Variants in NRG2 observed in about 807,000 individuals in gnomAD.
The protein encoded by NRG2 is neuregulin 2, also known as pro-neuregulin-2, membrane-bound isoform.
A neutral mutation model predicts 73.9 loss-of-function variants in NRG2; 27 were observed. That is an observed-to-expected ratio of 0.37 (90% CI 0.27 to 0.50). NRG2 has a LOEUF of 0.50. NRG2 is among the 20% of genes least tolerant of loss of function. The pLI is 0.96. For missense variants in NRG2, 1,126 were observed against 1,210.1 expected (o/e 0.93, Z 1.03); for synonymous variants, 532 against 541.0 (o/e 0.98, Z 0.23).
chr5:139,908,455 G>T (rs1765382913), intron 1 of NRG2, among the ~76,000 whole-genome samples: 1 of 152,192 alleles, frequency 6.6e-6, no homozygotes. Flanking sequence ...GAAAATGGTA[G>T]CAGGAAGAGT....
intron 1 of NRG2, among the ~76,000 whole-genome samples, chr5:139,989,944 A>T (rs1052118353): frequency 2.0e-5 from 3 of 150,362 alleles, no homozygotes; most frequent in South Asian, 4.2e-4. Context: ...GCCCACCACC[A>T]CGCCCAGCTA....
chr5:139,943,131 G>A (rs1046102659), intron 1 of NRG2, among the ~76,000 whole-genome samples: 17 of 151,612 alleles, frequency 1.1e-4, no homozygotes, highest in Non-Finnish European at 2.2e-4. Flanking sequence ...GCGAGCCACC[G>A]TGTCTGGCCT....
intron 1 of NRG2, among the ~76,000 whole-genome samples, chr5:139,930,614 C>T (rs1356436444): frequency 6.6e-6 from 1 of 152,196 alleles, no homozygotes; most frequent in South Asian, 2.1e-4. Flanking sequence ...AAAGTGCATG[C>T]CTCATTGGCT....
intron 1 of NRG2, among the ~76,000 whole-genome samples, chr5:139,979,478 T>C (rs780824278): frequency 3.3e-5 from 5 of 152,218 alleles, no homozygotes; most frequent in Non-Finnish European, 5.9e-5. Context: ...CTCCATCTCC[T>C]GGGATTCTCG....
intron 1 of NRG2, among the ~76,000 whole-genome samples, chr5:139,888,981 C>G (rs1764046317): frequency 6.6e-6 from 1 of 152,184 alleles, no homozygotes; most frequent in Non-Finnish European, 1.5e-5. Flanking sequence ...TGTATTCTTT[C>G]ATTTAATGAA....
Position 139,887,254 on chromosome 5 carries a change from C to T in NRG2, c.872+86G>A, listed in dbSNP as rs1763925214. ...CCATGGGTGAGTCTGGGGGCACAGCCCTGGCCTCTGCCCAGTTCAGGCCAC... is the reference window on the plus strand; with the variant it reads ...CCATGGGTGAGTCTGGGGGCACAGCTCTGGCCTCTGCCCAGTTCAGGCCAC... On this transcript the variant is annotated intron_variant, in intron 2 of 9. Transcript: ENST00000361474. This position sits in a 1 kb window ranked among gnomAD's most constrained non-coding sequence, Gnocchi z 4.5. The T allele has an allele frequency of 1.1e-5, 16 of 1,500,914 alleles. No homozygotes were observed. The highest frequency in any genetic ancestry group is 1.5e-5 in the Non-Finnish European group (16 of 1,092,246). 93.0% of individuals were successfully genotyped at this position (1,500,914 alleles called of 1,614,324 possible).
chr5:139,864,210 C>A (rs887161349), intron 5 of NRG2, among the ~76,000 whole-genome samples: 6 of 152,078 alleles, frequency 3.9e-5, no homozygotes, highest in Admixed American at 3.9e-4. Context: ...CCAGCGGACC[C>A]CTGGTCCTCA....
chr5:140,029,801 G>C (rs538447097), intron 1 of NRG2, among the ~76,000 whole-genome samples: 1 of 152,162 alleles, frequency 6.6e-6, no homozygotes, highest in Non-Finnish European at 1.5e-5. Context: ...ACCCCTAAGG[G>C]ACTGTACCCT....
At chr5:139,925,793 G>A (rs560339216) in intron 1 of NRG2, among the ~76,000 whole-genome samples, 1 of 152,270 alleles carries the variant, frequency 6.6e-6, no homozygotes, top group East Asian at 1.9e-4. Flanking sequence ...GCAGGGATGG[G>A]GAGCTTGAAG....
In NRG2 at chr5:139,862,237, C is replaced by T. The variant is rs965595796; in HGVS notation, c.1189+3312G>A. Among the ~76,000 whole-genome samples the T allele has an allele frequency of 7.2e-5, 11 of 152,336 alleles. No individual in the cohort carries two copies. In the South Asian group the frequency reaches 2.1e-3, roughly 29 times the overall value. On this transcript the variant is annotated intron_variant, in intron 5 of 9. Coordinates refer to ENST00000361474, the MANE Select transcript of NRG2 (RefSeq NM_004883.3). The stretch of plus-strand genomic sequence containing the variant: ...ATAGTAGCAGCTGCAGCTTCTAGGG[C>T]TCCTAACTGGCCTCCTCTTTGAGTC...
intron 1 of NRG2, among the ~76,000 whole-genome samples, chr5:139,977,045 A>G (rs1027802579): frequency 1.3e-5 from 2 of 152,238 alleles, no homozygotes; most frequent in African/African-American, 4.8e-5. Flanking sequence ...TGGATCGCCC[A>G]GTGCCTGCCT....
At chr5:139,992,653 C>A (rs1442605157) in intron 1 of NRG2, among the ~76,000 whole-genome samples, 1 of 152,150 alleles carries the variant, frequency 6.6e-6, no homozygotes, top group Non-Finnish European at 1.5e-5. Context: ...TTAGAAAAAA[C>A]CTTTTTCATA....
chr5:139,887,299 G>A lies in NRG2; in HGVS notation c.872+41C>T, dbSNP rs200851590. On this transcript the variant is annotated intron_variant, in intron 2 of 9. Transcript: ENST00000361474. This position sits in a 1 kb window ranked among gnomAD's most constrained non-coding sequence, Gnocchi z 4.5. Reference sequence around the variant, plus strand: ...GGCCACTCCTTCTCGAGAGGAGGGAGGGCAGCTGCTTGGATGGAGGACAGG... The same window carrying A: ...GGCCACTCCTTCTCGAGAGGAGGGAAGGCAGCTGCTTGGATGGAGGACAGG... The A allele has an allele frequency of 5.0e-6, 8 of 1,606,456 alleles. No individual in the cohort carries two copies. In the East Asian group the frequency reaches 1.8e-4, roughly 36 times the overall value.
chr5:139,899,209 G>A (rs976567965), intron 1 of NRG2, among the ~76,000 whole-genome samples: 2 of 152,250 alleles, frequency 1.3e-5, no homozygotes, highest in Admixed American at 1.3e-4. Context: ...GCTCCAGGAG[G>A]CTGGGCCACC....
chr5:139,953,786 C>A (rs1053808598), intron 1 of NRG2, among the ~76,000 whole-genome samples: 1 of 152,168 alleles, frequency 6.6e-6, no homozygotes, highest in Admixed American at 6.5e-5. Flanking sequence ...GTAAGCAAGA[C>A]TGAAAGCAAA....
intron 1 of NRG2, among the ~76,000 whole-genome samples, chr5:139,969,092 A>G (rs1755793274): frequency 6.6e-6 from 1 of 152,244 alleles, no homozygotes; most frequent in African/African-American, 2.4e-5. Context: ...ATAGTGTTCT[A>G]GGGCTCAGAG....
chr5:139,881,513 G>T lies in NRG2; in HGVS notation c.873-539C>A, dbSNP rs1054885171. Among the ~76,000 whole-genome samples the T allele has an allele frequency of 2.2e-4, 33 of 152,324 alleles. 1 individual carries two copies. Among genetic ancestry groups the T allele is most frequent in the African/African-American group, 7.5e-4 (31 of 41,574 alleles). ...GCGCTGCCACTAAGGGGCACTCTGT[G>T]GCTTCTCCAAGGGGTTTTTGTTTCA... On this transcript the variant is annotated intron_variant, in intron 2 of 9. Coordinates refer to ENST00000361474, the MANE Select transcript of NRG2 (RefSeq NM_004883.3).
At chr5:139,991,201 C>T (rs1009779918) in intron 1 of NRG2, among the ~76,000 whole-genome samples, 8 of 151,804 alleles carry the variant, frequency 5.3e-5, no homozygotes, top group Admixed American at 3.9e-4. Context: ...GCTTGAATCC[C>T]GGAGGCAGAG....
At chr5:139,946,037 T>TC (rs1753776303) in intron 1 of NRG2, among the ~76,000 whole-genome samples, 2 of 152,044 alleles carry the variant, frequency 1.3e-5, no homozygotes, top group Non-Finnish European at 1.5e-5. Flanking sequence ...ATGGCAATAT[T>TC]CCCCAGATCG....
Sources: gnomAD v4.1 joint callset for allele counts (sites outside exome capture counted in the v4.1 genomes callset) on GRCh38, gnomAD v4.1.1 for gene constraint, Gnocchi (gnomAD v3.1) non-coding constraint, MANE v1.5 for transcripts, NCBI Gene and HGNC (gene_info 2026-07-23, HGNC 2026-07-21) for gene names.